The following PABPC4L variants were observed in gnomAD, a reference collection of about 807,000 sequenced individuals.
The protein encoded by PABPC4L is polyadenylate-binding protein 4-like.
For synonymous variants in PABPC4L, 169 were observed against 164.1 expected (o/e 1.03, Z -0.23); for missense variants, 452 against 451.4 (o/e 1.00, Z -0.01).
the PABPC4L span, among the ~76,000 whole-genome samples, chr4:133,982,924 C>T: frequency 6.6e-6 from 1 of 151,944 alleles, no homozygotes; most frequent in Non-Finnish European, 1.5e-5. Context: ...TAAACATGCT[C>T]TATTCCTACA....
chr4:134,198,750 G>C lies in PABPC4L; in HGVS notation c.*1157C>G, dbSNP rs1243897717. The C allele has an allele frequency of 2.0e-5, 3 of 151,912 alleles. No individual in the cohort carries two copies. The highest frequency in any genetic ancestry group is 7.2e-5 in the African/African-American group (3 of 41,432). The allele number at this position is 151,912 out of a possible 1,614,324, so 9.4% of individuals were successfully genotyped here. A position where few individuals can be genotyped will look rare whatever the true frequency, so the allele number is the denominator to read the frequency against. The stretch of plus-strand genomic sequence containing the variant: ...GTATTTTAAAAAGCTGAGGAATATA[G>C]ATGAAAGGCAGGAGAGCAAGGAAAA... On this transcript the variant is annotated 3_prime_UTR_variant, in exon 2 of 2. Transcript: ENST00000421491.
At chr4:134,186,619 G>A in the PABPC4L span, among the ~76,000 whole-genome samples, 1 of 152,062 alleles carries the variant, frequency 6.6e-6, no homozygotes, top group Non-Finnish European at 1.5e-5. Flanking sequence ...TACCATTCAG[G>A]ACATAGGCAT....
the PABPC4L span, among the ~76,000 whole-genome samples, chr4:133,954,849 G>A: frequency 1.3e-5 from 2 of 152,144 alleles, no homozygotes; most frequent in Non-Finnish European, 2.9e-5. Context: ...TAGTGAACGA[G>A]CTGGTTAATG....
the PABPC4L span, among the ~76,000 whole-genome samples, chr4:134,112,216 A>G: frequency 6.6e-6 from 1 of 151,956 alleles, no homozygotes; most frequent in Non-Finnish European, 1.5e-5. Context: ...ATAAAGATAA[A>G]AGCTAAAATA....
At chr4:134,156,674 C>A in the PABPC4L span, among the ~76,000 whole-genome samples, 3 of 151,780 alleles carry the variant, frequency 2.0e-5, no homozygotes, top group African/African-American at 4.8e-5. Context: ...TTAATAAATA[C>A]TAGATCTATA....
chr4:134,037,230 T>A, the PABPC4L span, among the ~76,000 whole-genome samples: 1 of 152,038 alleles, frequency 6.6e-6, no homozygotes, highest in Non-Finnish European at 1.5e-5. Flanking sequence ...GTAGATTGCT[T>A]TGGGAGGTAT....
chr4:134,099,295 G>C, the PABPC4L span, among the ~76,000 whole-genome samples: 3 of 151,396 alleles, frequency 2.0e-5, no homozygotes, highest in Non-Finnish European at 4.4e-5. Flanking sequence ...TAAGTTTTAT[G>C]TTAAGTGCAT....
chr4:133,997,212 T>C, the PABPC4L span, among the ~76,000 whole-genome samples: 2 of 152,174 alleles, frequency 1.3e-5, no homozygotes, highest in African/African-American at 4.8e-5. Context: ...TCAGGAGTCA[T>C]ACATCTCTCG....
At chr4:134,028,208 A>G in the PABPC4L span, among the ~76,000 whole-genome samples, 2 of 152,156 alleles carry the variant, frequency 1.3e-5, 1 homozygote, top group Admixed American at 1.3e-4. Flanking sequence ...TCTGACTCAC[A>G]TTATAGTTTC....
At chr4:133,962,434 A>C in the PABPC4L span, among the ~76,000 whole-genome samples, 9 of 152,226 alleles carry the variant, frequency 5.9e-5, no homozygotes, top group African/African-American at 2.2e-4. Context: ...AGCATAAAGA[A>C]AAAACAATAA....
the PABPC4L span, among the ~76,000 whole-genome samples, chr4:133,974,917 C>T: frequency 6.6e-6 from 1 of 151,996 alleles, no homozygotes; most frequent in Non-Finnish European, 1.5e-5. Context: ...GATTATACAG[C>T]CTCTTTGGAA....
At chr4:134,173,545 C>T in the PABPC4L span, among the ~76,000 whole-genome samples, 1 of 151,862 alleles carries the variant, frequency 6.6e-6, no homozygotes, top group South Asian at 2.1e-4. Context: ...ATGATGGTTA[C>T]CAGAGGCTGG....
chr4:134,104,637 C>T, the PABPC4L span, among the ~76,000 whole-genome samples: 568 of 151,758 alleles, frequency 3.7e-3, 2 homozygotes, highest in African/African-American at 0.013. Flanking sequence ...AAATATGGTG[C>T]CTCTTCCAAA....
the PABPC4L span, among the ~76,000 whole-genome samples, chr4:134,092,015 T>C: frequency 6.6e-6 from 1 of 152,172 alleles, no homozygotes; most frequent in South Asian, 2.1e-4. Flanking sequence ...GAGTTATTGA[T>C]AGATTTTCTT....
downstream of PABPC4L, among the ~76,000 whole-genome samples, chr4:134,195,117 C>CTAT (rs1356843836): frequency 6.6e-6 from 1 of 151,626 alleles, no homozygotes; most frequent in African/African-American, 2.4e-5. Context: ...TAATACTAGG[C>CTAT]TTCTAATGCT....
chr4:134,131,714 CAAAAAAAAAAAAAAAAA>C, the PABPC4L span, among the ~76,000 whole-genome samples: 2 of 10,672 alleles, frequency 1.9e-4, no homozygotes, highest in Non-Finnish European at 3.1e-4. Context: ...CCTGTGAAAC[CAAAAAAAAAAAAAAAAA>C]AAAAAAAAAA....
At chr4:134,131,714 C>CAAAAAAAAAAA in the PABPC4L span, among the ~76,000 whole-genome samples, 13 of 10,674 alleles carry the variant, frequency 1.2e-3, 2 homozygotes, top group East Asian at 8.6e-3. Flanking sequence ...CCTGTGAAAC[C>CAAAAAAAAAAA]AAAAAAAAAA....
the PABPC4L span, among the ~76,000 whole-genome samples, chr4:134,171,279 C>A: frequency 6.6e-6 from 1 of 152,014 alleles, no homozygotes; most frequent in African/African-American, 2.4e-5. Flanking sequence ...TCACACTTGA[C>A]AAATTTTTGT....
the PABPC4L span, among the ~76,000 whole-genome samples, chr4:133,974,846 A>G: frequency 2.6e-5 from 4 of 152,160 alleles, no homozygotes; most frequent in Non-Finnish European, 4.4e-5. Context: ...ATGGAAAATT[A>G]TAAGTATTAG....
Sources: gnomAD v4.1 joint callset for allele counts (sites outside exome capture counted in the v4.1 genomes callset) on GRCh38, gnomAD v4.1.1 for gene constraint, MANE v1.5 for transcripts, NCBI Gene and HGNC (gene_info 2026-07-23, HGNC 2026-07-21) for gene names.